Variants in EPB41L1 observed in about 807,000 individuals in gnomAD.
EPB41L1 encodes the protein erythrocyte membrane protein band 4.1 like 1, also known as band 4.1-like protein 1.
A neutral mutation model predicts 97.8 loss-of-function variants in EPB41L1; 29 were observed. That is an observed-to-expected ratio of 0.30 (90% CI 0.22 to 0.40). The LOEUF (loss-of-function observed/expected upper bound fraction) is 0.40, where lower values mean the gene tolerates loss of function less well. EPB41L1 is among the 10% of genes least tolerant of loss of function. The pLI is 1.00. For missense variants in EPB41L1, 812 were observed against 1,162.3 expected (o/e 0.70, Z 4.38); for synonymous variants, 383 against 459.2 (o/e 0.83, Z 2.12).
At chr20:36,115,829 T>G (rs2058568036) in intron 2 of EPB41L1, among the ~76,000 whole-genome samples, 1 of 151,828 alleles carries the variant, frequency 6.6e-6, no homozygotes. Flanking sequence ...GAGGTGGAGG[T>G]TGCAGTGAGT....
At chr20:36,178,089 T>A in intron 4 of EPB41L1, 33 bp downstream of exon 4, 1 of 1,526,456 alleles carries the variant, frequency 6.6e-7, no homozygotes, top group Non-Finnish European at 9.1e-7. Context: ...TGGGACCTGC[T>A]CTTCCGTTAG....
chr20:36,225,203 C>T (rs918051562), intron 21 of EPB41L1, among the ~76,000 whole-genome samples: 18 of 152,222 alleles, frequency 1.2e-4, no homozygotes, highest in Non-Finnish European at 7.3e-5. Context: ...TGTAGGTTGG[C>T]CATGGGCGGA....
intron 1 of EPB41L1, among the ~76,000 whole-genome samples, chr20:36,103,904 C>T (rs929574884): frequency 3.3e-5 from 5 of 152,084 alleles, no homozygotes; most frequent in African/African-American, 9.6e-5. Flanking sequence ...CAGGGTTTCA[C>T]CGTGTTAGCC....
rs1569321415 is a variant in EPB41L1 at position 36,207,542 on chromosome 20, C to T, written c.1669-1946C>T. The T allele has an allele frequency of 7.8e-7, 1 of 1,289,902 alleles. No individual in the cohort carries two copies. Among genetic ancestry groups the T allele is most frequent in the Non-Finnish European group, 1.0e-6 (1 of 988,890 alleles). The allele number at this position is 1,289,902 out of a possible 1,614,324, so 79.9% of individuals were successfully genotyped here. A position where few individuals can be genotyped will look rare whatever the true frequency, so the allele number is the denominator to read the frequency against. ...CTTCCAAATGACGTATCTTCAGAGGCACCCGTGGGACAAGCAGAGCAGCAG... is the reference window on the plus strand; with the variant it reads ...CTTCCAAATGACGTATCTTCAGAGGTACCCGTGGGACAAGCAGAGCAGCAG... On this transcript the variant is annotated intron_variant, in intron 14 of 21. Transcript: ENST00000338074. This position sits in a 1 kb window ranked among gnomAD's most constrained non-coding sequence, Gnocchi z 4.9.
intron 21 of EPB41L1, among the ~76,000 whole-genome samples, chr20:36,225,141 A>C (rs2064038140): frequency 1.3e-5 from 2 of 152,332 alleles, no homozygotes; most frequent in South Asian, 4.1e-4. Context: ...AAAATTTTAA[A>C]TTGCATATGT....
At chr20:36,211,381 AAAAAACAAAAC>A (rs1246811689) in intron 15 of EPB41L1, among the ~76,000 whole-genome samples, 1 of 152,068 alleles carries the variant, frequency 6.6e-6, no homozygotes, top group Non-Finnish European at 1.5e-5. Flanking sequence ...ATTCCATCTC[AAAAAACAAAAC>A]AAAAACAAAA....
rs1569221166 is a variant in EPB41L1, at chr20:36,178,782, CGTT to C, written c.490+113_490+115del. Reference sequence around the variant, plus strand: ...TTTGGAAAGTGCATTTCAGGCCAGGCGTTGTGGCTCATCCCTGTAATCCCAACA... The same window carrying C: ...TTTGGAAAGTGCATTTCAGGCCAGGCGTGGCTCATCCCTGTAATCCCAACA... On this transcript the variant is annotated intron_variant, in intron 5 of 21. Transcript: ENST00000338074. 16 of 1,195,342 alleles carry C rather than the reference CGTT, an allele frequency of 1.3e-5. No homozygotes were observed. The South Asian group carries it at 1.9e-4, about 14-fold the overall frequency. The allele number at this position is 1,195,342 out of a possible 1,614,324, so 74.0% of individuals were successfully genotyped here.
intron 1 of EPB41L1, among the ~76,000 whole-genome samples, chr20:36,096,705 G>A (rs187574221): frequency 1.3e-3 from 194 of 152,366 alleles, no homozygotes; most frequent in African/African-American, 4.6e-3. Context: ...CACAGGGCTT[G>A]TGAGAATTTG....
At chr20:36,162,554 C>A (rs2060576076) in intron 1 of EPB41L1, among the ~76,000 whole-genome samples, 1 of 152,162 alleles carries the variant, frequency 6.6e-6, no homozygotes, top group Non-Finnish European at 1.5e-5. Context: ...TAAGATAAAG[C>A]CCAAAAGACA....
intron 14 of EPB41L1, among the ~76,000 whole-genome samples, chr20:36,203,833 A>T (rs910472414): frequency 1.3e-5 from 2 of 152,126 alleles, no homozygotes; most frequent in African/African-American, 4.8e-5. Flanking sequence ...TCCCTGACAG[A>T]GAGATTTTCT....
intron 1 of EPB41L1, among the ~76,000 whole-genome samples, chr20:36,166,504 C>G (rs2060744113): frequency 6.6e-6 from 1 of 152,108 alleles, no homozygotes; most frequent in South Asian, 2.1e-4. Context: ...AAATTCTTAT[C>G]TTTATGGAGT....
intron 2 of EPB41L1, among the ~76,000 whole-genome samples, chr20:36,124,672 T>C (rs1344930842): frequency 3.7e-4 from 57 of 152,230 alleles, no homozygotes; most frequent in South Asian, 2.1e-4. Flanking sequence ...ATAATGCTTA[T>C]CACAATTTGT....
At chr20:36,200,758 ACTT>A (rs2062450835) in intron 14 of EPB41L1, 3 of 394,934 alleles carry the variant, frequency 7.6e-6, no homozygotes, top group Non-Finnish European at 1.5e-5. Context: ...CTATTTATGG[ACTT>A]TGTGTGTGTG....
chr20:36,176,179 T>C (rs1249553410), intron 3 of EPB41L1, among the ~76,000 whole-genome samples: 3 of 152,222 alleles, frequency 2.0e-5, no homozygotes, highest in Non-Finnish European at 4.4e-5. Context: ...CTGAGGGTTC[T>C]ATGGCAAGCC....
chr20:36,156,999 G>A (rs956391659), intron 1 of EPB41L1, among the ~76,000 whole-genome samples: 2 of 152,170 alleles, frequency 1.3e-5, no homozygotes, highest in African/African-American at 4.8e-5. Flanking sequence ...GACGAGGCGG[G>A]CAGATCACAA....
chr20:36,134,852 CTTTTTTTTTTTTTTT>C (rs764236552), intron 2 of EPB41L1, among the ~76,000 whole-genome samples: 1 of 107,630 alleles, frequency 9.3e-6, no homozygotes, highest in Non-Finnish European at 1.9e-5. Flanking sequence ...TTTTCTCTGT[CTTTTTTTTTTTTTTT>C]TTTTTTTTTT....
chr20:36,202,265 C>T (rs1208771773), intron 14 of EPB41L1, among the ~76,000 whole-genome samples: 1 of 152,240 alleles, frequency 6.6e-6, no homozygotes, highest in Non-Finnish European at 1.5e-5. Context: ...TCCTTGGCGG[C>T]AGCCCATTAA....
In EPB41L1 at chr20:36,195,242, T is replaced by A; in HGVS notation, c.1450-87T>A. 6 of 1,562,092 alleles carry A rather than the reference T, an allele frequency of 3.8e-6. No homozygotes were observed. Among genetic ancestry groups the A allele is most frequent in the Non-Finnish European group, 5.3e-6 (6 of 1,135,404 alleles). On this transcript the variant is annotated intron_variant, in intron 12 of 21. Transcript: ENST00000338074. The surrounding 1 kb of genome is among the most constrained non-coding windows in gnomAD (Gnocchi z 4.6). ...GTCGAGTGTGCGTGCTCTGGGCTCC[T>A]TGCTGGACCAAGCCCATCGTGGTAT...
At chr20:36,095,459 C>G (rs2057798765) in intron 1 of EPB41L1, among the ~76,000 whole-genome samples, 2 of 152,182 alleles carry the variant, frequency 1.3e-5, no homozygotes, top group South Asian at 4.1e-4. Flanking sequence ...ATCTCTTCAC[C>G]CAACACTTTT....
Sources: allele counts gnomAD v4.1 joint callset (sites outside exome capture counted in the v4.1 genomes callset), GRCh38; gene constraint gnomAD v4.1.1; non-coding constraint Gnocchi (gnomAD v3.1); transcripts MANE v1.5; gene names NCBI Gene and HGNC (gene_info 2026-07-23, HGNC 2026-07-21).